Variants in MAD1L1 observed in about 807,000 individuals in gnomAD.
MAD1L1 encodes mitotic arrest deficient 1 like 1.
MAD1L1 carries 95 observed loss-of-function variants against 96.9 expected under a neutral mutation model. The observed-to-expected ratio is 0.98, with a 90% CI of 0.83 to 1.16. The LOEUF is 1.16. MAD1L1 is among the 50% of genes most tolerant of loss of function. The pLI, the probability that MAD1L1 is intolerant of heterozygous loss-of-function variation, is 0.00. For missense variants in MAD1L1, 1,007 were observed against 954.4 expected, an observed-to-expected ratio of 1.06 and a Z score of -0.73; for synonymous variants, 473 against 396.6, an observed-to-expected ratio of 1.19 and a Z score of -2.29.
At chr7:2,223,233 C>G (rs1378420423) in intron 4 of MAD1L1, among the ~76,000 whole-genome samples, 1 of 152,208 alleles carries the variant, frequency 6.6e-6, no homozygotes, top group Non-Finnish European at 1.5e-5. Context: ...TGGGCAGAAG[C>G]AGTTTACACT....
At chr7:2,021,160 TA>T (rs1782772471) in intron 12 of MAD1L1, among the ~76,000 whole-genome samples, 1 of 152,172 alleles carries the variant, frequency 6.6e-6, no homozygotes, top group African/African-American at 2.4e-5. Flanking sequence ...ACACAGTAAG[TA>T]TCTGCCGTGA....
intron 18 of MAD1L1, among the ~76,000 whole-genome samples, chr7:1,887,564 C>T (rs534317766): frequency 2.2e-3 from 262 of 121,826 alleles, no homozygotes; most frequent in African/African-American, 3.1e-3. Context: ...TGCAAGCATG[C>T]GTGTATGTGG....
chr7:1,866,750 G>A lies in MAD1L1; in HGVS notation c.1998+31450C>T, dbSNP rs77388382. Among the ~76,000 whole-genome samples the A allele has an allele frequency of 4.8e-4, 73 of 152,304 alleles. 2 individuals carry two copies. The East Asian group carries it at 9.8e-3, about 21-fold the overall frequency. On this transcript the variant is annotated intron_variant, in intron 18 of 18. Transcript: ENST00000265854. ...TGAAAACCAACTAGATCTGTTCCACGGGCTGACGGGAGCCCTGAGGGCCTT... is the reference window on the plus strand; with the variant it reads ...TGAAAACCAACTAGATCTGTTCCACAGGCTGACGGGAGCCCTGAGGGCCTT...
intron 12 of MAD1L1, among the ~76,000 whole-genome samples, chr7:2,032,605 GT>G (rs940535449): frequency 4.0e-4 from 61 of 152,234 alleles, no homozygotes; most frequent in African/African-American, 1.4e-3. Flanking sequence ...GCTGGGCTGA[GT>G]GGGGCCAGAA....
intron 12 of MAD1L1, among the ~76,000 whole-genome samples, chr7:2,037,684 G>C (rs1460966976): frequency 6.6e-6 from 1 of 152,024 alleles, no homozygotes; most frequent in African/African-American, 2.4e-5. Flanking sequence ...ATTGATTCTG[G>C]GACGCCACAC....
intron 10 of MAD1L1, among the ~76,000 whole-genome samples, chr7:2,150,971 C>T (rs543021474): frequency 5.9e-5 from 9 of 152,312 alleles, no homozygotes; most frequent in Admixed American, 3.9e-4. Flanking sequence ...AAAGCAGCTC[C>T]GTGGAAAAAC....
At chr7:1,977,540 T>A (rs969248131) in intron 15 of MAD1L1, among the ~76,000 whole-genome samples, 6 of 152,208 alleles carry the variant, frequency 3.9e-5, no homozygotes, top group Non-Finnish European at 7.3e-5. Flanking sequence ...GGCTCCGGCC[T>A]CGGCCAGCCC....
chr7:2,104,370 G>T (rs994595800), intron 11 of MAD1L1, among the ~76,000 whole-genome samples: 1 of 152,220 alleles, frequency 6.6e-6, no homozygotes, highest in Admixed American at 6.5e-5. Flanking sequence ...GAGCCGTCAC[G>T]GCGGCGCAAT....
chr7:1,885,475 T>C lies in MAD1L1; in HGVS notation c.1998+12725A>G, dbSNP rs1452957185. 3.5e-5 allele frequency among the ~76,000 whole-genome samples: 4 copies of C among 115,242 alleles called. No individual in the cohort carries two copies. The Admixed American group carries it at 3.8e-4, about 11-fold the overall frequency. The allele number at this position is 115,242 out of a possible 152,430, so 75.6% of individuals were successfully genotyped here. ...CAGACAGGAGAGAAGTCCAGGGGGC[T>C]GGGCTGCGGGTGTGTGTGGGCCACA... On this transcript the variant is annotated intron_variant, in intron 18 of 18. Coordinates refer to ENST00000265854, the MANE Select transcript of MAD1L1 (RefSeq NM_001013836.2).
At chr7:1,883,859 AG>A (rs897416472) in intron 18 of MAD1L1, among the ~76,000 whole-genome samples, 1 of 152,166 alleles carries the variant, frequency 6.6e-6, no homozygotes, top group Non-Finnish European at 1.5e-5. Context: ...CCGGAGCAGG[AG>A]CCTCGAGCGA....
chr7:1,976,957 A>C (rs759645725), intron 15 of MAD1L1, among the ~76,000 whole-genome samples: 22 of 152,250 alleles, frequency 1.4e-4, no homozygotes, highest in Non-Finnish European at 2.4e-4. Flanking sequence ...ACCTTTAGCT[A>C]GACACAGATT....
intron 11 of MAD1L1, among the ~76,000 whole-genome samples, chr7:2,129,517 C>T (rs748217173): frequency 2.0e-5 from 3 of 152,282 alleles, no homozygotes; most frequent in South Asian, 2.1e-4. Flanking sequence ...GAGGAACACG[C>T]GCTTCTCAGA....
At chr7:2,144,962 C>T (rs913974537) in intron 11 of MAD1L1, among the ~76,000 whole-genome samples, 5 of 152,170 alleles carry the variant, frequency 3.3e-5, no homozygotes, top group South Asian at 2.1e-4. Flanking sequence ...CATCTGTCCA[C>T]GGCTAAAGGA....
intron 18 of MAD1L1, among the ~76,000 whole-genome samples, chr7:1,891,189 G>A (rs1321836840): frequency 6.6e-6 from 1 of 152,210 alleles, no homozygotes; most frequent in Admixed American, 6.5e-5. Context: ...TTTTTCTATA[G>A]CTGTAGGATG....
chr7:1,934,836 C>T (rs1049409546), intron 17 of MAD1L1, among the ~76,000 whole-genome samples: 2 of 151,320 alleles, frequency 1.3e-5, no homozygotes, highest in South Asian at 2.1e-4. Flanking sequence ...TGGGCAAACC[C>T]GAGACAGGCA....
intron 11 of MAD1L1, among the ~76,000 whole-genome samples, chr7:2,095,978 G>C (rs1266925180): frequency 6.6e-6 from 1 of 152,250 alleles, no homozygotes; most frequent in African/African-American, 2.4e-5. Flanking sequence ...CAGCAGGAGA[G>C]ACGGGGTCCC....
rs1337182527 is a variant in MAD1L1, at chr7:1,943,522, C to G, written c.1597-6625G>C. ...AGTTCAATAGACACATGAAAAGCTGCTCGGCATCATCCGGCATCCAGAGAC... is the reference window on the plus strand; with the variant it reads ...AGTTCAATAGACACATGAAAAGCTGGTCGGCATCATCCGGCATCCAGAGAC... On this transcript the variant is annotated intron_variant, in intron 16 of 18. Coordinates refer to ENST00000265854, the MANE Select transcript of MAD1L1 (RefSeq NM_001013836.2). Among the ~76,000 whole-genome samples, 3 of 152,306 alleles carry G rather than the reference C, an allele frequency of 2.0e-5. No homozygotes were observed. The East Asian group carries it at 5.8e-4, about 29-fold the overall frequency.
chr7:2,041,017 C>G (rs529279978), intron 12 of MAD1L1, among the ~76,000 whole-genome samples: 268 of 152,326 alleles, frequency 1.8e-3, no homozygotes, highest in Middle Eastern at 6.8e-3. Context: ...CACAGAAGAG[C>G]TCTCAGCACA....
At chr7:2,173,379 G>A (rs541318806) in intron 10 of MAD1L1, among the ~76,000 whole-genome samples, 1 of 152,284 alleles carries the variant, frequency 6.6e-6, no homozygotes, top group East Asian at 1.9e-4. Flanking sequence ...GTCTAGCTGA[G>A]CACAGCTGGG....
Sources: allele counts gnomAD v4.1 joint callset (sites outside exome capture counted in the v4.1 genomes callset), GRCh38; gene constraint gnomAD v4.1.1; transcripts MANE v1.5; gene names NCBI Gene and HGNC (gene_info 2026-07-23, HGNC 2026-07-21).